The following EYS variants were observed in gnomAD, a reference collection of about 807,000 sequenced individuals.
EYS encodes the protein EGF-like photoreceptor maintenance factor.
A neutral mutation model predicts 282.1 loss-of-function variants in EYS; 250 were observed. The observed-to-expected ratio is 0.89, with a 90% CI of 0.80 to 0.98. EYS has a LOEUF of 0.98. Ranked by LOEUF, EYS falls within the 50% of genes least tolerant of loss-of-function variation. The pLI is 0.00. For missense variants in EYS, 4,016 were observed against 3,709.0 expected, an observed-to-expected ratio of 1.08 and a Z score of -2.15; for synonymous variants, 1,355 against 1,282.9, an observed-to-expected ratio of 1.06 and a Z score of -1.20.
chr6:64,158,982 T>C (rs1204902544), intron 31 of EYS, among the ~76,000 whole-genome samples: 1 of 152,214 alleles, frequency 6.6e-6, no homozygotes, highest in East Asian at 1.9e-4. Context: ...ATTGGTCTTC[T>C]GTGTGTTCTT....
At chr6:64,451,574 C>A (rs1159133106) in intron 26 of EYS, among the ~76,000 whole-genome samples, 1 of 152,112 alleles carries the variant, frequency 6.6e-6, no homozygotes, top group Non-Finnish European at 1.5e-5. Context: ...AATTTTAGAC[C>A]AATATCCTTG....
chr6:64,397,436 G>A (rs1773415978), intron 28 of EYS, among the ~76,000 whole-genome samples: 1 of 151,838 alleles, frequency 6.6e-6, no homozygotes, highest in African/African-American at 2.4e-5. Context: ...TTTTCTTTGT[G>A]TTTTCTTTGT....
At chr6:63,880,427 T>C (rs1773097584) in intron 35 of EYS, among the ~76,000 whole-genome samples, 1 of 151,502 alleles carries the variant, frequency 6.6e-6, no homozygotes, top group South Asian at 2.1e-4. Flanking sequence ...ATCATGTAAG[T>C]TAAAACTTAA....
intron 2 of EYS, among the ~76,000 whole-genome samples, chr6:65,565,727 A>C (rs372948658): frequency 1.3e-4 from 20 of 152,278 alleles, no homozygotes; most frequent in African/African-American, 4.1e-4. Flanking sequence ...GGCTGGATAA[A>C]GAAAATGCGG....
intron 35 of EYS, among the ~76,000 whole-genome samples, chr6:63,911,896 T>C (rs1469846518): frequency 6.6e-6 from 1 of 152,234 alleles, no homozygotes. Context: ...GTGTTGAGTA[T>C]GTGCAAAGAT....
rs138841857 is a variant in EYS, at chr6:63,978,775, C to T, written c.7055+5608G>A. Reference sequence around the variant, plus strand: ...GTAACAGTTCTTACTATTGCAATTTCAAATTCAATTTATGCCTCCTACCTC... The same window carrying T: ...GTAACAGTTCTTACTATTGCAATTTTAAATTCAATTTATGCCTCCTACCTC... On this transcript the variant is annotated intron_variant, in intron 35 of 42. Transcript: ENST00000503581. 5.5e-4 allele frequency among the ~76,000 whole-genome samples: 83 copies of T among 152,026 alleles called. 3 individuals are homozygous for T. Among genetic ancestry groups the T allele is most frequent in the Middle Eastern group, 3.4e-3 (1 of 294 alleles).
intron 8 of EYS, among the ~76,000 whole-genome samples, chr6:65,358,284 C>G (rs1438521682): frequency 6.6e-6 from 1 of 151,786 alleles, no homozygotes; most frequent in Non-Finnish European, 1.5e-5. Flanking sequence ...GAATTTATAT[C>G]AAAATTTATA....
At chr6:64,662,552 G>T (rs1476176035) in intron 22 of EYS, among the ~76,000 whole-genome samples, 1 of 152,076 alleles carries the variant, frequency 6.6e-6, no homozygotes, top group African/African-American at 2.4e-5. Context: ...ATATTATTCT[G>T]AAATGCCTTT....
intron 30 of EYS, among the ~76,000 whole-genome samples, chr6:64,255,425 A>C (rs181806417): frequency 2.8e-4 from 42 of 152,208 alleles, no homozygotes; most frequent in Admixed American, 2.1e-3. Flanking sequence ...ATTTCTACTA[A>C]AAAGTTATAT....
intron 12 of EYS, among the ~76,000 whole-genome samples, chr6:65,070,787 G>C (rs1389891198): frequency 6.6e-6 from 1 of 151,606 alleles, no homozygotes; most frequent in African/African-American, 2.4e-5. Context: ...TAAGTTTACT[G>C]GTCTGTATCT....
chr6:64,493,952 T>C (rs1029220503), intron 26 of EYS, among the ~76,000 whole-genome samples: 1 of 151,580 alleles, frequency 6.6e-6, no homozygotes, highest in African/African-American at 2.4e-5. Context: ...GGAACTCCAA[T>C]TGTCAAAGGG....
intron 2 of EYS, among the ~76,000 whole-genome samples, chr6:65,557,097 A>G (rs1334982939): frequency 1.3e-5 from 2 of 152,216 alleles, no homozygotes; most frequent in Non-Finnish European, 2.9e-5. Flanking sequence ...AAAGTAAATT[A>G]TAACAAGAAT....
intron 26 of EYS, among the ~76,000 whole-genome samples, chr6:64,469,834 T>C (rs1370383645): frequency 6.6e-6 from 1 of 152,120 alleles, no homozygotes; most frequent in African/African-American, 2.4e-5. Flanking sequence ...TGTGCTTCAG[T>C]GGTCACGCTC....
intron 36 of EYS, among the ~76,000 whole-genome samples, chr6:63,856,052 T>C (rs954200682): frequency 3.3e-5 from 5 of 151,828 alleles, no homozygotes; most frequent in African/African-American, 4.8e-5. Context: ...CAAATGTGTT[T>C]GTGCCTTCCG....
intron 22 of EYS, among the ~76,000 whole-genome samples, chr6:64,651,683 A>G (rs991532745): frequency 6.6e-6 from 1 of 152,240 alleles, no homozygotes; most frequent in Non-Finnish European, 1.5e-5. Context: ...CTCCGTCTCA[A>G]AAAAAGGAAA....
chr6:63,797,145 G>A (rs1770666367), intron 37 of EYS: 1 of 152,118 alleles, frequency 6.6e-6, no homozygotes. Flanking sequence ...ATGATTCTGC[G>A]ACAGAGACAC....
intron 26 of EYS, among the ~76,000 whole-genome samples, chr6:64,458,243 TTGAC>T (rs1485007091): frequency 1.3e-5 from 2 of 152,140 alleles, no homozygotes; most frequent in African/African-American, 4.8e-5. Context: ...TATTCTGAAT[TTGAC>T]TGTATACTTA....
intron 32 of EYS, among the ~76,000 whole-genome samples, chr6:64,067,085 C>G (rs1771399019): frequency 1.3e-5 from 2 of 152,248 alleles, no homozygotes; most frequent in East Asian, 3.9e-4. Context: ...TATCTCCCCA[C>G]ATACAAATAT....
At chr6:63,830,591 T>C (rs112740001) in intron 36 of EYS, among the ~76,000 whole-genome samples, 2,044 of 152,298 alleles carry the variant, frequency 0.013, 36 homozygotes, top group African/African-American at 0.047. Flanking sequence ...TATGTCTGAT[T>C]GGTGTACCTG....
Sources: allele counts gnomAD v4.1 joint callset (sites outside exome capture counted in the v4.1 genomes callset), GRCh38; gene constraint gnomAD v4.1.1; transcripts MANE v1.5; gene names NCBI Gene and HGNC (gene_info 2026-07-23, HGNC 2026-07-21).